The following KIF7 variants were observed in gnomAD, a reference collection of about 807,000 sequenced individuals.
The protein encoded by KIF7 is kinesin family member 7.
Under a neutral mutation model 135.7 loss-of-function variants are expected in KIF7, and 104 were observed. The observed-to-expected ratio is 0.77, with a 90% CI of 0.65 to 0.90. The LOEUF (loss-of-function observed/expected upper bound fraction) is 0.90, where lower values mean the gene tolerates loss of function less well. KIF7 is among the 40% of genes least tolerant of loss of function. The pLI, the probability that KIF7 is intolerant of heterozygous loss-of-function variation, is 0.00. For synonymous variants in KIF7, 883 were observed against 809.4 expected (o/e 1.09, Z -1.54); for missense variants, 2,005 against 1,839.1 (o/e 1.09, Z -1.65).
Position 89,628,687 on chromosome 15 carries a change from G to C in KIF7, c.3764C>G (p.Thr1255Ser). Residue 1255 changes from threonine (T) to serine (S), a missense_variant, in exon 19 of 19, where the codon ACT becomes AGT. Thr to Ser is a moderately conservative substitution (Grantham distance 58). Coordinates refer to ENST00000394412, the MANE Select transcript of KIF7 (RefSeq NM_198525.3). ...APELLWLSPLTEGAPRTREET... is the reference protein window; with the variant it reads ...APELLWLSPLSEGAPRTREET... ...CTCCCGGGTGCGGGGGGCCCCCTCA[G>C]TGAGGGGGGACAGCCAGAGAAGCTC... 1 of 1,613,010 alleles carries C rather than the reference G, an allele frequency of 6.2e-7. No individual in the cohort carries two copies.
chr15:89,624,411 A>C, downstream of KIF7: 1 of 1,614,076 alleles, frequency 6.2e-7, no homozygotes, highest in Non-Finnish European at 8.5e-7. Flanking sequence ...TCTCACAGAG[A>C]GCTACATTGG....
intron 1 of KIF7, among the ~76,000 whole-genome samples, chr15:89,622,495 C>G (rs1963442898): frequency 6.6e-6 from 1 of 152,220 alleles, no homozygotes; most frequent in Non-Finnish European, 1.5e-5. Flanking sequence ...TCCGCTAAAG[C>G]AAGGCTTTAA....
intron 15 of KIF7, chr15:89,630,854 CATT>C (rs879726739): frequency 3.3e-5 from 13 of 394,904 alleles, no homozygotes; most frequent in Non-Finnish European, 5.3e-5. Context: ...AGAAATGCAT[CATT>C]AGGCGTTTTC....
Position 89,628,366 on chromosome 15 carries a change from C to A in KIF7, c.*53G>T. 1.3e-6 allele frequency: 2 copies of A among 1,549,222 alleles called. No homozygotes were observed. Among genetic ancestry groups the A allele is most frequent in the South Asian group, 1.2e-5 (1 of 80,622 alleles). On this transcript the variant is annotated 3_prime_UTR_variant, in exon 19 of 19. Coordinates refer to ENST00000394412, the MANE Select transcript of KIF7 (RefSeq NM_198525.3). ...TTCACAGAAGCAAAACAGGCAGCTG[C>A]CCCTTTCAGCAGGCTCGGAGTCTCC...
At position 89,649,361 on chromosome 15, in the gene KIF7, C is replaced by T. The variant is rs1964085243; in HGVS notation, c.536G>A (p.Cys179Tyr). The T allele has an allele frequency of 1.4e-6, 2 of 1,457,926 alleles. No individual in the cohort carries two copies. The highest frequency in any genetic ancestry group is 1.8e-6 in the Non-Finnish European group (2 of 1,102,266). 90.3% of individuals were successfully genotyped at this position (1,457,926 alleles called of 1,614,324 possible). ...CTCCACGTCGACCTCCTTCACCCCG[C>T]ACAGCACTGCGGGCACAGAAGGCCG... is the stretch of plus-strand genomic sequence containing the variant. The part of the protein sequence containing the change: ...REDERGNVVL[C>Y]GVKEVDVEGL... Residue 179 changes from cysteine (C) to tyrosine (Y), a missense_variant, in exon 4 of 19, where the codon TGC (cysteine) becomes TAC (tyrosine). Physicochemically the swap from Cys to Tyr is radical, Grantham distance 194 (BLOSUM62 -2). Transcript: ENST00000394412.
chr15:89,640,542 C>T (rs956870609), intron 11 of KIF7, among the ~76,000 whole-genome samples: 41 of 152,248 alleles, frequency 2.7e-4, no homozygotes, highest in African/African-American at 9.4e-4. Flanking sequence ...AGCAGTCAGG[C>T]TCCAGAGCCC....
rs769233321 is a variant in KIF7, at chr15:89,633,363, C to T, written c.2593-97G>A. ...AAGCCCCCAGGAGTGCCTGCCCACT[C>T]CCAAGAGGGCCCTGCGAAGTGTCCC... is the stretch of plus-strand genomic sequence containing the variant. On this transcript the variant is annotated intron_variant, in intron 12 of 18. Coordinates refer to ENST00000394412, the MANE Select transcript of KIF7 (RefSeq NM_198525.3). 3.1e-4 allele frequency: 452 copies of T among 1,457,178 alleles called. 1 individual carries two copies. Among genetic ancestry groups the T allele is most frequent in the Non-Finnish European group, 4.1e-4 (441 of 1,076,898 alleles). The allele number at this position is 1,457,178 out of a possible 1,614,324, so 90.3% of individuals were successfully genotyped here.
intron 3 of KIF7, among the ~76,000 whole-genome samples, 183 bp from the exon 4 acceptor site, chr15:89,649,550 C>T (rs2142031584): frequency 6.6e-6 from 1 of 152,342 alleles, no homozygotes; most frequent in African/African-American, 2.4e-5. Flanking sequence ...ACTGGCCCAC[C>T]TCAGTGCCTC....
At chr15:89,624,264 T>G (rs752351297), downstream of KIF7, 1 of 1,614,228 alleles carries the variant, frequency 6.2e-7, no homozygotes, top group East Asian at 2.2e-5. Context: ...CTTTATGTGA[T>G]GTCTCCAAGA....
chr15:89,620,016 C>G (rs910051777), intron 1 of KIF7, among the ~76,000 whole-genome samples: 6 of 152,158 alleles, frequency 3.9e-5, no homozygotes, highest in African/African-American at 1.4e-4. Context: ...ACTTTGTAAT[C>G]AGTCATCCCT....
In KIF7 at chr15:89,617,806, C is replaced by T. The variant is rs571336441; in HGVS notation, c.*75+223G>A. Among the ~76,000 whole-genome samples, 10 of 151,918 alleles carry T rather than the reference C, an allele frequency of 6.6e-5. No homozygotes were observed. The South Asian group carries it at 1.9e-3, about 28-fold the overall frequency. ...TCCCGGGTTCAAGCGATTCTCTTGC[C>T]TCAGCCTCCCAAGTAGCTGGGACTA... On this transcript the variant is annotated intron_variant and NMD_transcript_variant, in intron 2 of 2. Coordinates refer to the KIF7 transcript ENST00000558928.
chr15:89,648,289 T>C lies in KIF7; in HGVS notation c.1409A>G (p.Glu470Gly). 6.6e-7 allele frequency: 1 copy of C among 1,520,862 alleles called. No individual in the cohort carries two copies. The allele number at this position is 1,520,862 out of a possible 1,614,324, so 94.2% of individuals were successfully genotyped here. A position where few individuals can be genotyped will look rare whatever the true frequency, so the allele number is the denominator to read the frequency against. Reference protein sequence around the residue: ...PDSGIESASVEDQAAQGAGGR... With the variant: ...PDSGIESASVGDQAAQGAGGR... Reference sequence around the variant, plus strand: ...GCCGGCCCCCTGCGCCGCCTGGTCCTCGACGGAGGCGCTCTCGATGCCGCT... The same window carrying C: ...GCCGGCCCCCTGCGCCGCCTGGTCCCCGACGGAGGCGCTCTCGATGCCGCT... Residue 470 changes from glutamate (E) to glycine (G), a missense_variant, in exon 5 of 19, where the codon GAG (glutamate) becomes GGG (glycine). Physicochemically the swap from Glu to Gly is moderately conservative, Grantham distance 98. Transcript: ENST00000394412.
chr15:89,621,408 C>A (rs758021401), intron 1 of KIF7: 3 of 1,594,692 alleles, frequency 1.9e-6, no homozygotes, highest in South Asian at 2.3e-5. Flanking sequence ...AGAGAAAATT[C>A]TCCAGTCCAA....
Position 89,648,692 on chromosome 15 carries a change from T to C in KIF7, c.1006A>G (p.Thr336Ala). The change falls in exon 5 of 19, where the codon ACC becomes GCC. Residue 336 changes from threonine to alanine, a missense_variant. Coordinates refer to ENST00000394412, the MANE Select transcript of KIF7 (RefSeq NM_198525.3). ...VSPSSSDFDE[T>A]LNTLNYASRA... ...CTGGCGTAGTTGAGGGTGTTGAGGG[T>C]CTCGTCGAAGTCGGAGGAGGAAGGG... 6 of 1,535,730 alleles carry C rather than the reference T, an allele frequency of 3.9e-6. No homozygotes were observed. The highest frequency in any genetic ancestry group is 5.2e-6 in the Non-Finnish European group (6 of 1,146,340).
rs763832044 is a variant in KIF7 at position 89,621,548 on chromosome 15, C to G, written c.181-3353G>C. 6.2e-7 allele frequency: 1 copy of G among 1,609,828 alleles called. No individual in the cohort carries two copies. On this transcript the variant is annotated intron_variant and NMD_transcript_variant, in intron 1 of 2. Transcript: ENST00000558928. Reference sequence around the variant, plus strand: ...GGATTCGGAGGTACCTGCAGCTTACCAGGTATAATGTTTCTGTAATGTTTG... The same window carrying G: ...GGATTCGGAGGTACCTGCAGCTTACGAGGTATAATGTTTCTGTAATGTTTG...
downstream of KIF7, chr15:89,625,280 C>A (rs202141992): frequency 1.2e-6 from 2 of 1,614,040 alleles, no homozygotes; most frequent in African/African-American, 1.3e-5. Context: ...TCTAGTACCC[C>A]CTCTCCATTT....
At chr15:89,656,933 G>A (rs972873282), upstream of KIF7, among the ~76,000 whole-genome samples, 13 of 152,156 alleles carry the variant, frequency 8.5e-5, no homozygotes, top group Admixed American at 7.9e-4. Context: ...ATGTGAAGAA[G>A]CTGAAAACTG....
downstream of KIF7, among the ~76,000 whole-genome samples, chr15:89,626,354 C>G (rs1963526158): frequency 6.6e-6 from 1 of 152,210 alleles, no homozygotes; most frequent in Non-Finnish European, 1.5e-5. Context: ...AGAATCTGAA[C>G]AGGAAGGCGT....
At position 89,628,287 on chromosome 15, in the gene KIF7, C is replaced by A. The variant is rs1241255247; in HGVS notation, c.*132G>T. On this transcript the variant is annotated 3_prime_UTR_variant, in exon 19 of 19. Coordinates refer to ENST00000394412, the MANE Select transcript of KIF7 (RefSeq NM_198525.3). Reference sequence around the variant, plus strand: ...GGGCCATGGCCCAAATTTGTTGATCCCAGTGAGGGTACAGATGAGGGCCTG... The same window carrying A: ...GGGCCATGGCCCAAATTTGTTGATCACAGTGAGGGTACAGATGAGGGCCTG... The A allele has an allele frequency of 5.9e-6, 7 of 1,191,814 alleles. No homozygotes were observed. Among genetic ancestry groups the A allele is most frequent in the Non-Finnish European group, 8.1e-6 (7 of 865,936 alleles). The allele number at this position is 1,191,814 out of a possible 1,614,324, so 73.8% of individuals were successfully genotyped here.
Sources: allele counts gnomAD v4.1 joint callset (sites outside exome capture counted in the v4.1 genomes callset), GRCh38; gene constraint gnomAD v4.1.1; transcripts MANE v1.5; gene names NCBI Gene and HGNC (gene_info 2026-07-23, HGNC 2026-07-21).